CPA6: variants seen among roughly 807,000 people sequenced by gnomAD.
CPA6 encodes the protein carboxypeptidase A6.
CPA6 carries 58 observed loss-of-function variants against 63.3 expected under a neutral mutation model. The observed-to-expected ratio is 0.92, with a 90% CI of 0.74 to 1.14. The LOEUF (loss-of-function observed/expected upper bound fraction) is 1.14, where lower values mean the gene tolerates loss of function less well. Among genes scored for constraint, CPA6 ranks in the 50% most tolerant of loss-of-function variants. CPA6 has a pLI of 0.00. For missense variants in CPA6, 565 were observed against 526.6 expected, an observed-to-expected ratio of 1.07 and a Z score of -0.71; for synonymous variants, 185 against 179.0, an observed-to-expected ratio of 1.03 and a Z score of -0.27.
At chr8:67,658,975 C>T (rs533403016) in intron 1 of CPA6, among the ~76,000 whole-genome samples, 1 of 152,304 alleles carries the variant, frequency 6.6e-6, no homozygotes, top group Admixed American at 6.5e-5. Flanking sequence ...AATCTACTCT[C>T]CACAAAGCAG....
At chr8:67,719,879 CT>C (rs1443050995) in intron 1 of CPA6, among the ~76,000 whole-genome samples, 1 of 152,068 alleles carries the variant, frequency 6.6e-6, no homozygotes, top group Non-Finnish European at 1.5e-5. Context: ...AAATGATGAA[CT>C]ATTTTAGAGA....
At chr8:67,451,387 A>G (rs747730467) in intron 8 of CPA6, among the ~76,000 whole-genome samples, 6 of 152,180 alleles carry the variant, frequency 3.9e-5, no homozygotes, top group South Asian at 2.1e-4. Context: ...TGTGCTCCTT[A>G]TGAGAATCTA....
intron 2 of CPA6, among the ~76,000 whole-genome samples, chr8:67,597,339 C>T (rs897848826): frequency 4.0e-5 from 6 of 151,838 alleles, no homozygotes; most frequent in Non-Finnish European, 7.4e-5. Flanking sequence ...GCTGGGACTA[C>T]AAGAGCACAC....
chr8:67,741,749 A>G (rs546728554), intron 1 of CPA6, among the ~76,000 whole-genome samples: 10 of 152,326 alleles, frequency 6.6e-5, no homozygotes, highest in African/African-American at 2.4e-4. Flanking sequence ...GTTGCAGGAA[A>G]ACAAGCTCAG....
At chr8:67,627,747 G>A (rs896362037) in intron 1 of CPA6, among the ~76,000 whole-genome samples, 1 of 152,160 alleles carries the variant, frequency 6.6e-6, no homozygotes, top group Non-Finnish European at 1.5e-5. Flanking sequence ...CTTACATTTT[G>A]TTCCTTTGCC....
intron 1 of CPA6, among the ~76,000 whole-genome samples, chr8:67,738,438 C>T (rs2129003982): frequency 6.6e-6 from 1 of 152,340 alleles, no homozygotes; most frequent in South Asian, 2.1e-4. Flanking sequence ...TCTGTTACCA[C>T]TAACCAGCCA....
At chr8:67,719,849 G>A (rs1817457676) in intron 1 of CPA6, among the ~76,000 whole-genome samples, 1 of 152,112 alleles carries the variant, frequency 6.6e-6, no homozygotes, top group Admixed American at 6.5e-5. Context: ...AAGGGGGCAG[G>A]GAAGATTGTA....
At chr8:67,525,386 C>G (rs1347564457) in intron 2 of CPA6, among the ~76,000 whole-genome samples, 1 of 152,000 alleles carries the variant, frequency 6.6e-6, no homozygotes, top group Non-Finnish European at 1.5e-5. Flanking sequence ...GGTGGGGGCC[C>G]AACAGTGAAA....
At chr8:67,428,198 G>T in intron 9 of CPA6, 67 bp from the exon 10 acceptor site, 2 of 861,432 alleles carry the variant, frequency 2.3e-6, no homozygotes, top group South Asian at 1.4e-5. Context: ...CTGCTATGTT[G>T]TTTGAGCCTC....
intron 1 of CPA6, among the ~76,000 whole-genome samples, chr8:67,743,223 C>T (rs1015836722): frequency 1.3e-5 from 2 of 152,116 alleles, no homozygotes; most frequent in Non-Finnish European, 2.9e-5. Context: ...AAAGATCTGC[C>T]TTGTAAGTGT....
At chr8:67,714,948 AC>A (rs1423655050) in intron 1 of CPA6, among the ~76,000 whole-genome samples, 1 of 152,200 alleles carries the variant, frequency 6.6e-6, no homozygotes, top group African/African-American at 2.4e-5. Context: ...ACTAAAAGAA[AC>A]AAGGAGCTAT....
At chr8:67,573,101 T>G (rs1288653242) in intron 2 of CPA6, among the ~76,000 whole-genome samples, 4 of 152,120 alleles carry the variant, frequency 2.6e-5, no homozygotes, top group Admixed American at 2.6e-4. Context: ...CTCAACAAAT[T>G]AGGTATAGAT....
At chr8:67,441,720 G>A (rs774396567) in intron 8 of CPA6, among the ~76,000 whole-genome samples, 74 of 152,138 alleles carry the variant, frequency 4.9e-4, no homozygotes, top group Admixed American at 2.6e-4. Flanking sequence ...AGAAACCAGA[G>A]TTGGATCCTT....
chr8:67,475,464 T>A (rs1811152006), intron 8 of CPA6, among the ~76,000 whole-genome samples: 1 of 152,210 alleles, frequency 6.6e-6, no homozygotes, highest in South Asian at 2.1e-4. Flanking sequence ...ACGGCACAGT[T>A]CTCAAAAATG....
intron 10 of CPA6, among the ~76,000 whole-genome samples, chr8:67,424,961 G>C (rs1455381155): frequency 6.6e-6 from 1 of 152,186 alleles, no homozygotes; most frequent in Non-Finnish European, 1.5e-5. Context: ...CCTGCAGCCT[G>C]GGCTGTATCT....
At chr8:67,474,589 G>A (rs896126209) in intron 8 of CPA6, among the ~76,000 whole-genome samples, 1 of 152,152 alleles carries the variant, frequency 6.6e-6, no homozygotes, top group African/African-American at 2.4e-5. Flanking sequence ...TGGATGGAGA[G>A]TGCCTATGCC....
At chr8:67,580,664 T>C (rs1471533669) in intron 2 of CPA6, among the ~76,000 whole-genome samples, 2 of 152,192 alleles carry the variant, frequency 1.3e-5, no homozygotes, top group East Asian at 3.9e-4. Context: ...GTCTATTGAC[T>C]GTTATGTCCT....
chr8:67,702,500 G>A (rs1376422422), intron 1 of CPA6, among the ~76,000 whole-genome samples: 1 of 151,962 alleles, frequency 6.6e-6, no homozygotes, highest in African/African-American at 2.4e-5. Flanking sequence ...AATAATAATT[G>A]GTTGCTACCA....
intron 2 of CPA6, among the ~76,000 whole-genome samples, chr8:67,560,160 G>GATAT (rs6150633): frequency 0.027 from 3,733 of 139,732 alleles, 219 homozygotes; most frequent in African/African-American, 0.091. Flanking sequence ...TGTATTTCCG[G>GATAT]ATATATATAT....
Sources: allele counts gnomAD v4.1 joint callset (sites outside exome capture counted in the v4.1 genomes callset), GRCh38; gene constraint gnomAD v4.1.1; transcripts MANE v1.5; gene names NCBI Gene and HGNC (gene_info 2026-07-23, HGNC 2026-07-21).